The following CDH13 variants were observed in gnomAD, a reference collection of about 807,000 sequenced individuals.
The protein encoded by CDH13 is cadherin-13.
CDH13 carries 24 observed loss-of-function variants against 63.8 expected under a neutral mutation model. The ratio of observed to expected loss-of-function variants is 0.38; its 90% CI spans 0.27 to 0.53. The LOEUF (loss-of-function observed/expected upper bound fraction) is 0.53, where lower values mean the gene tolerates loss of function less well. Ranked by LOEUF, CDH13 falls within the 20% of genes least tolerant of loss-of-function variation. The pLI, the probability that CDH13 is intolerant of heterozygous loss-of-function variation, is 0.85. For missense variants in CDH13, 1,049 were observed against 903.1 expected, an observed-to-expected ratio of 1.16 and a Z score of -2.07; for synonymous variants, 503 against 355.3, an observed-to-expected ratio of 1.42 and a Z score of -4.67.
chr16:83,733,775 C>T lies in CDH13; in HGVS notation c.1539-14333C>T, dbSNP rs566942670. Among the ~76,000 whole-genome samples, 51 of 152,290 alleles carry T rather than the reference C, an allele frequency of 3.3e-4. No individual in the cohort carries two copies. In the South Asian group the frequency reaches 4.1e-3, roughly 12 times the overall value. Reference sequence around the variant, plus strand: ...TCTGGTCTTCTGACATCCCAGTTTGCTCTCCCAGTGAGCGTGTTTCTTTGA... The same window carrying T: ...TCTGGTCTTCTGACATCCCAGTTTGTTCTCCCAGTGAGCGTGTTTCTTTGA... On this transcript the variant is annotated intron_variant, in intron 10 of 13. Transcript: ENST00000567109.
intron 1 of CDH13, among the ~76,000 whole-genome samples, chr16:82,716,634 A>G (rs1161792285): frequency 1.3e-5 from 2 of 149,598 alleles, no homozygotes; most frequent in Non-Finnish European, 3.0e-5. Context: ...CCCAGCTGGC[A>G]TGGAATTTCA....
chr16:82,747,468 T>C (rs1483124820), intron 1 of CDH13, among the ~76,000 whole-genome samples: 2 of 152,242 alleles, frequency 1.3e-5, no homozygotes, highest in African/African-American at 4.8e-5. Flanking sequence ...ATTTATTTTT[T>C]AGTGCAGTGC....
intron 5 of CDH13, among the ~76,000 whole-genome samples, chr16:83,316,293 C>G (rs2090103570): frequency 6.6e-6 from 1 of 152,152 alleles, no homozygotes; most frequent in Non-Finnish European, 1.5e-5. Flanking sequence ...CAGAGGCAGA[C>G]CATATCACAC....
At chr16:83,597,748 T>C (rs1907407383) in intron 7 of CDH13, among the ~76,000 whole-genome samples, 1 of 152,240 alleles carries the variant, frequency 6.6e-6, no homozygotes, top group Non-Finnish European at 1.5e-5. Context: ...AATCAGTCTA[T>C]TTCTCATTAT....
chr16:83,301,021 T>TG (rs1174815360), intron 5 of CDH13, among the ~76,000 whole-genome samples: 26 of 111,862 alleles, frequency 2.3e-4, no homozygotes, highest in African/African-American at 7.6e-4. Context: ...TATAACTTTC[T>TG]GGGGTTTTTT....
intron 2 of CDH13, among the ~76,000 whole-genome samples, chr16:82,959,526 T>C (rs1386782068): frequency 6.6e-6 from 1 of 152,176 alleles, no homozygotes; most frequent in Non-Finnish European, 1.5e-5. Context: ...TCCTTCATTT[T>C]CAAAGCCACA....
chr16:83,465,123 G>C (rs1458279643), intron 6 of CDH13, among the ~76,000 whole-genome samples: 1 of 152,182 alleles, frequency 6.6e-6, no homozygotes, highest in Non-Finnish European at 1.5e-5. Flanking sequence ...GAGGGTTGCG[G>C]GGATTCATTA....
chr16:83,648,117 G>C (rs938670477), intron 8 of CDH13, among the ~76,000 whole-genome samples: 6 of 152,108 alleles, frequency 3.9e-5, no homozygotes, highest in Admixed American at 1.3e-4. Context: ...AGGCAACAAA[G>C]CAGGAGTTAA....
At chr16:83,050,166 G>A (rs989374384) in intron 3 of CDH13, among the ~76,000 whole-genome samples, 1 of 152,070 alleles carries the variant, frequency 6.6e-6, no homozygotes, top group African/African-American at 2.4e-5. Flanking sequence ...ATTGACCACA[G>A]CAGCCAGACC....
chr16:82,743,165 A>C (rs1473735699), intron 1 of CDH13, among the ~76,000 whole-genome samples: 15 of 152,080 alleles, frequency 9.9e-5, no homozygotes. Context: ...TTTTGTCTTT[A>C]TCTTCTGGGC....
intron 6 of CDH13, among the ~76,000 whole-genome samples, chr16:83,456,373 G>C (rs974192213): frequency 6.6e-6 from 1 of 152,222 alleles, no homozygotes; most frequent in Non-Finnish European, 1.5e-5. Flanking sequence ...TACAGAAATA[G>C]ATCAACATGG....
In CDH13 at chr16:83,454,569, G is replaced by A. The variant is rs149418471; in HGVS notation, c.782-31908G>A. ...CTTATCATTATAATTTTTAATGACT[G>A]TGTAATGGTCCATCAAGTAGCTGAG... On this transcript the variant is annotated intron_variant, in intron 6 of 13. Transcript: ENST00000567109. Among the ~76,000 whole-genome samples, 268 of 152,182 alleles carry A rather than the reference G, an allele frequency of 1.8e-3. 2 individuals are homozygous for A. In the Middle Eastern group the frequency reaches 0.024, roughly 14 times the overall value.
chr16:82,925,625 A>G (rs2042279958), intron 2 of CDH13, among the ~76,000 whole-genome samples: 1 of 152,182 alleles, frequency 6.6e-6, no homozygotes. Context: ...GGCATGGCCA[A>G]CCTGAACACT....
At chr16:83,498,909 T>A (rs2074208621) in intron 7 of CDH13, among the ~76,000 whole-genome samples, 1 of 152,172 alleles carries the variant, frequency 6.6e-6, no homozygotes, top group Admixed American at 6.5e-5. Context: ...TAGCTCGGTT[T>A]TAGGAGGCTA....
At chr16:83,521,027 A>C (rs2074820231) in intron 7 of CDH13, among the ~76,000 whole-genome samples, 1 of 152,040 alleles carries the variant, frequency 6.6e-6, no homozygotes. Context: ...TGCTATTTCT[A>C]ACATCTGTTC....
At chr16:83,676,269 G>A (rs1432853861) in intron 9 of CDH13, among the ~76,000 whole-genome samples, 1 of 152,186 alleles carries the variant, frequency 6.6e-6, no homozygotes, top group Non-Finnish European at 1.5e-5. Context: ...CGGCTGTGGA[G>A]AATCAGATGT....
At chr16:83,602,349 G>A in intron 7 of CDH13, 105 bp from the exon 8 acceptor site, 1 of 1,093,330 alleles carries the variant, frequency 9.1e-7, no homozygotes, top group Admixed American at 1.7e-5. Flanking sequence ...GCCTACCCTA[G>A]ATGGAGGAGG....
At chr16:82,697,103 ATATC>A (rs1434406394) in intron 1 of CDH13, among the ~76,000 whole-genome samples, 1 of 152,202 alleles carries the variant, frequency 6.6e-6, no homozygotes, top group Non-Finnish European at 1.5e-5. Flanking sequence ...TTACCATGCT[ATATC>A]TATTAGAAAT....
intron 3 of CDH13, among the ~76,000 whole-genome samples, chr16:83,121,054 G>A (rs1021829759): frequency 3.9e-5 from 6 of 152,076 alleles, no homozygotes; most frequent in East Asian, 3.9e-4. Context: ...GATCCGCTGC[G>A]CCCAGCCAAT....
Sources: gnomAD v4.1 joint callset for allele counts (sites outside exome capture counted in the v4.1 genomes callset) on GRCh38, gnomAD v4.1.1 for gene constraint, MANE v1.5 for transcripts, NCBI Gene and HGNC (gene_info 2026-07-23, HGNC 2026-07-21) for gene names.